Variants in ACSF3 observed in about 807,000 individuals in gnomAD.
The protein encoded by ACSF3 is malonate--CoA ligase ACSF3, mitochondrial.
A neutral mutation model predicts 53.2 loss-of-function variants in ACSF3; 78 were observed. The ratio of observed to expected loss-of-function variants is 1.47; its 90% CI spans 1.22 to 1.77. ACSF3 has a LOEUF of 1.77. Ranked by LOEUF, ACSF3 falls within the 40% of genes most tolerant of loss-of-function variation. The probability of loss-of-function intolerance (pLI) is 0.00; values close to 1 mark genes in which losing one functional copy is unlikely to be tolerated. For synonymous variants in ACSF3, 414 were observed against 333.1 expected, an observed-to-expected ratio of 1.24 and a Z score of -2.65; for missense variants, 937 against 771.1, an observed-to-expected ratio of 1.22 and a Z score of -2.55.
chr16:89,140,990 C>T (rs1206808792), intron 8 of ACSF3: 1 of 1,151,690 alleles, frequency 8.7e-7, no homozygotes, highest in African/African-American at 1.6e-5. Flanking sequence ...ACTCCGATTC[C>T]AGAATCGATG....
At chr16:89,142,208 C>T (rs1379455595) in intron 8 of ACSF3, among the ~76,000 whole-genome samples, 1 of 152,148 alleles carries the variant, frequency 6.6e-6, no homozygotes, top group African/African-American at 2.4e-5. Context: ...GATTTGGGGC[C>T]TGGGGCCCAG....
chr16:89,097,923 C>T (rs532144000), intron 1 of ACSF3, among the ~76,000 whole-genome samples: 1 of 152,330 alleles, frequency 6.6e-6, no homozygotes, highest in African/African-American at 2.4e-5. Flanking sequence ...GCTCGTTTTC[C>T]TCCTGCCTGG....
chr16:89,119,297 C>T (rs1422376885), intron 6 of ACSF3, among the ~76,000 whole-genome samples: 2 of 152,224 alleles, frequency 1.3e-5, no homozygotes, highest in East Asian at 3.9e-4. Context: ...TGCGTCCCCG[C>T]CCCAGTAGAG....
intron 8 of ACSF3, among the ~76,000 whole-genome samples, chr16:89,135,407 G>A (rs981874604): frequency 6.6e-6 from 1 of 152,232 alleles, no homozygotes; most frequent in South Asian, 2.1e-4. Flanking sequence ...AGTTCCGCAC[G>A]TTTGCAAAGT....
chr16:89,146,137 C>A, intron 10 of ACSF3, 88 bp downstream of exon 10: 1 of 969,348 alleles, frequency 1.0e-6, no homozygotes, highest in South Asian at 1.5e-5. Flanking sequence ...CATCGTCCGT[C>A]TTAGAGGTGG....
intron 5 of ACSF3, 45 bp from the exon 6 acceptor site, chr16:89,114,291 AGAG>A: frequency 6.2e-7 from 1 of 1,610,892 alleles, no homozygotes; most frequent in Non-Finnish European, 8.5e-7. Context: ...TTTGCACGCG[AGAG>A]CCACGTCCCA....
rs534464725 is a variant in ACSF3 at position 89,124,717 on chromosome 16, C to T, written c.1239+3804C>T. On this transcript the variant is annotated intron_variant, in intron 7 of 10. Coordinates refer to ENST00000614302, the MANE Select transcript of ACSF3 (RefSeq NM_001243279.3). Reference sequence around the variant, plus strand: ...TGCATGTGTGTGTGATACCCATGTGCGCACTGCATATACGTGTGTGTTACC... The same window carrying T: ...TGCATGTGTGTGTGATACCCATGTGTGCACTGCATATACGTGTGTGTTACC... 1.3e-3 allele frequency among the ~76,000 whole-genome samples: 197 copies of T among 151,616 alleles called. 2 individuals carry two copies. The highest frequency in any genetic ancestry group is 4.2e-3 in the African/African-American group (175 of 41,298).
chr16:89,109,229 C>CAAAA (rs773650798), intron 4 of ACSF3, among the ~76,000 whole-genome samples: 14 of 68,498 alleles, frequency 2.0e-4, no homozygotes, highest in Non-Finnish European at 3.1e-4. Flanking sequence ...AAGACTGTCT[C>CAAAA]AAAAAAAAAA....
rs773446262 is a variant in ACSF3 at position 89,102,751 on chromosome 16, C to T, written c.814C>T (p.Pro272Ser). The change falls in exon 4 of 11, where the codon CCT becomes TCT. Residue 272 changes from proline to serine, a missense_variant. Physicochemically the swap from Pro to Ser is moderately conservative, Grantham distance 74. Transcript: ENST00000614302. ...CTGTGTGATGATGCCTGAGTTCAGC[C>T]CTCAGCAGGTGAGTTGGGGTCAGGG... is the stretch of plus-strand genomic sequence containing the variant. ...ATCVMMPEFS[P>S]QQVWEKFLSS... The T allele has an allele frequency of 2.5e-6, 4 of 1,612,706 alleles. No homozygotes were observed. Among genetic ancestry groups the T allele is most frequent in the Non-Finnish European group, 3.4e-6 (4 of 1,180,004 alleles).
intron 3 of ACSF3, among the ~76,000 whole-genome samples, chr16:89,101,794 A>T (rs1975377169): frequency 6.6e-6 from 1 of 152,226 alleles, no homozygotes; most frequent in Non-Finnish European, 1.5e-5. Context: ...GCATTTGTAC[A>T]GTGTCATAAC....
chr16:89,095,599 T>C (rs892551159), intron 1 of ACSF3, among the ~76,000 whole-genome samples: 1 of 8,050 alleles, frequency 1.2e-4, no homozygotes, highest in Non-Finnish European at 3.3e-4. Flanking sequence ...ACACAAGGTC[T>C]GGGGGGGCGG....
At position 89,093,939 on chromosome 16, in the gene ACSF3, G is replaced by A. The variant is rs1321204354; in HGVS notation, c.-251G>A. The A allele has an allele frequency of 1.3e-4, 42 of 327,076 alleles. 1 individual carries two copies. The East Asian group carries it at 6.1e-3, about 47-fold the overall frequency. 20.3% of individuals were successfully genotyped at this position (327,076 alleles called of 1,614,324 possible). On this transcript the variant is annotated 5_prime_UTR_variant, in exon 1 of 11. Transcript: ENST00000614302. ...CCGACCCCGGCGCGCGCGCGGCGGA[G>A]GACGAGGAAGAGTTGTGGCGAGGCA...
At position 89,154,257 on chromosome 16, in the gene ACSF3, T is replaced by A. The variant is rs1567758067; in HGVS notation, c.*50T>A. On this transcript the variant is annotated 3_prime_UTR_variant, in exon 11 of 11. Coordinates refer to ENST00000614302, the MANE Select transcript of ACSF3 (RefSeq NM_001243279.3). Reference sequence around the variant, plus strand: ...TGGTGGGGAGCAGCAGACGTCCCCTTCACACCGAGAACCACGGGGGCCCGT... The same window carrying A: ...TGGTGGGGAGCAGCAGACGTCCCCTACACACCGAGAACCACGGGGGCCCGT... 1 of 1,572,988 alleles carries A rather than the reference T, an allele frequency of 6.4e-7. No individual in the cohort carries two copies. The highest frequency in any genetic ancestry group is 1.1e-5 in the South Asian group (1 of 89,598).
chr16:89,101,262 ACAAGGGCGC>A lies in ACSF3; in HGVS notation c.584_592del (p.Lys195_Ala197del). 6.2e-7 allele frequency: 1 copy of A among 1,601,672 alleles called. No homozygotes were observed. The highest frequency in any genetic ancestry group is 1.1e-5 in the South Asian group (1 of 89,692). On this transcript the variant is annotated inframe_deletion, in exon 3 of 11. Transcript: ENST00000614302. ...CCGGTCCCAGAGCAGGGATGGAGGAACAAGGGCGCCATGATCATCTACACCAGTGGGACC... is the reference window on the plus strand; with the variant it reads ...CCGGTCCCAGAGCAGGGATGGAGGAACATGATCATCTACACCAGTGGGACC...
Position 89,115,549 on chromosome 16 carries a change from C to G in ACSF3, c.1126+1062C>G, listed in dbSNP as rs536632309. On this transcript the variant is annotated intron_variant, in intron 6 of 10. Transcript: ENST00000614302. ...GTGTGGGTGCGGCACCGCTTGTGAC[C>G]CTGTTTTAAGCAATGACACGTGAGA... 6.6e-5 allele frequency among the ~76,000 whole-genome samples: 10 copies of G among 152,336 alleles called. No homozygotes were observed. In the East Asian group the frequency reaches 1.9e-3, roughly 29 times the overall value.
At chr16:89,135,426 C>T (rs937845870) in intron 8 of ACSF3, among the ~76,000 whole-genome samples, 7 of 152,336 alleles carry the variant, frequency 4.6e-5, no homozygotes, top group South Asian at 2.1e-4. Flanking sequence ...GTGAAGGCTC[C>T]GTGAGCCCCT....
At chr16:89,122,895 C>T (rs1289937608) in intron 7 of ACSF3, 1 of 152,366 alleles carries the variant, frequency 6.6e-6, no homozygotes, top group Non-Finnish European at 1.5e-5. Flanking sequence ...TTATTTGTGT[C>T]TGCTGGTTTC....
At chr16:89,154,064 G>T in intron 10 of ACSF3, 26 bp from the exon 11 acceptor site, 2 of 1,605,608 alleles carry the variant, frequency 1.2e-6, no homozygotes, top group African/African-American at 2.7e-5. Context: ...AGGGCAGTGC[G>T]CCTCAGGCTG....
At chr16:89,127,064 A>G (rs1908272410) in intron 7 of ACSF3, among the ~76,000 whole-genome samples, 1 of 151,988 alleles carries the variant, frequency 6.6e-6, no homozygotes, top group Non-Finnish European at 1.5e-5. Flanking sequence ...CCCAGGACAA[A>G]CCCCACTTGG....
Sources: allele counts gnomAD v4.1 joint callset (sites outside exome capture counted in the v4.1 genomes callset), GRCh38; gene constraint gnomAD v4.1.1; transcripts MANE v1.5; gene names NCBI Gene and HGNC (gene_info 2026-07-23, HGNC 2026-07-21).